Variants in CNTNAP2 observed in about 807,000 individuals in gnomAD.
The protein encoded by CNTNAP2 is contactin-associated protein-like 2.
CNTNAP2 carries 98 observed loss-of-function variants against 155.2 expected under a neutral mutation model. The observed-to-expected ratio is 0.63, with a 90% CI of 0.54 to 0.75. The LOEUF (loss-of-function observed/expected upper bound fraction) is 0.75. CNTNAP2 is among the 30% of genes least tolerant of loss of function. The probability of loss-of-function intolerance (pLI) is 0.00; values close to 1 mark genes in which losing one functional copy is unlikely to be tolerated. For synonymous variants in CNTNAP2, 651 were observed against 631.2 expected (o/e 1.03, Z -0.47); for missense variants, 1,727 against 1,688.1 (o/e 1.02, Z -0.40).
chr7:146,502,238 T>TATATATATATGA (rs1008479178), intron 1 of CNTNAP2, among the ~76,000 whole-genome samples: 4 of 118,112 alleles, frequency 3.4e-5, no homozygotes, highest in African/African-American at 1.5e-4. Flanking sequence ...TATATATATA[T>TATATATATATGA]ATATATATAT....
At chr7:148,398,766 A>G (rs1281325012) in intron 22 of CNTNAP2, among the ~76,000 whole-genome samples, 1 of 152,188 alleles carries the variant, frequency 6.6e-6, no homozygotes, top group East Asian at 1.9e-4. Flanking sequence ...TGCCCAGGGG[A>G]TGTGTTTCTC....
intron 11 of CNTNAP2, among the ~76,000 whole-genome samples, chr7:147,516,869 G>C (rs572301632): frequency 2.7e-5 from 3 of 112,008 alleles, no homozygotes; most frequent in African/African-American, 1.3e-4. Context: ...TTTTTTTTGC[G>C]TGTGTGTGTG....
intron 4 of CNTNAP2, among the ~76,000 whole-genome samples, chr7:147,094,838 A>T (rs1800493060): frequency 6.6e-6 from 1 of 152,118 alleles, no homozygotes; most frequent in Non-Finnish European, 1.5e-5. Flanking sequence ...CTATAACAGA[A>T]TAATATAAAC....
intron 13 of CNTNAP2, among the ~76,000 whole-genome samples, chr7:147,724,437 T>A (rs955595324): frequency 2.6e-5 from 4 of 152,056 alleles, no homozygotes; most frequent in Non-Finnish European, 5.9e-5. Flanking sequence ...AGCCTCACAG[T>A]TGCAGGGTCT....
At position 146,988,783 on chromosome 7, in the gene CNTNAP2, G is replaced by A. The variant is rs73463267; in HGVS notation, c.403-55124G>A. ...TCATGTAATAGATCTTAGGCTATTT[G>A]GATTTCCTCACAGGAAAATAGAAGC... On this transcript the variant is annotated intron_variant, in intron 3 of 23. Coordinates refer to ENST00000361727, the MANE Select transcript of CNTNAP2 (RefSeq NM_014141.6). Among the ~76,000 whole-genome samples the A allele has an allele frequency of 2.3e-3, 343 of 152,224 alleles. 1 individual carries two copies. Among genetic ancestry groups the A allele is most frequent in the African/African-American group, 7.9e-3 (328 of 41,538 alleles).
intron 4 of CNTNAP2, chr7:147,083,265 G>A (rs955574359): frequency 6.6e-6 from 1 of 152,050 alleles, no homozygotes; most frequent in Non-Finnish European, 1.5e-5. Flanking sequence ...AAGAGGAAAT[G>A]GATGTTAGGT....
intron 21 of CNTNAP2, among the ~76,000 whole-genome samples, chr7:148,269,575 A>G (rs1278378278): frequency 6.6e-6 from 1 of 152,244 alleles, no homozygotes; most frequent in Non-Finnish European, 1.5e-5. Flanking sequence ...AAGAAGGTCA[A>G]TTTGACAAAA....
At chr7:146,748,001 G>A (rs528364055) in intron 1 of CNTNAP2, among the ~76,000 whole-genome samples, 20 of 150,526 alleles carry the variant, frequency 1.3e-4, no homozygotes, top group Admixed American at 2.6e-4. Flanking sequence ...CTAGTTTTCC[G>A]TCTTTTCTCC....
At chr7:147,297,550 A>C (rs535407896) in intron 8 of CNTNAP2, among the ~76,000 whole-genome samples, 1 of 152,336 alleles carries the variant, frequency 6.6e-6, no homozygotes, top group African/African-American at 2.4e-5. Flanking sequence ...TGACATTTGC[A>C]CAGAGATCTG....
intron 21 of CNTNAP2, among the ~76,000 whole-genome samples, chr7:148,274,292 G>A (rs139007723): frequency 1.3e-5 from 2 of 152,098 alleles, no homozygotes; most frequent in South Asian, 4.2e-4. Context: ...CTATAGGGCT[G>A]TTTGTTACTG....
At chr7:147,700,109 A>T (rs140677788) in intron 13 of CNTNAP2, among the ~76,000 whole-genome samples, 1 of 152,160 alleles carries the variant, frequency 6.6e-6, no homozygotes, top group African/African-American at 2.4e-5. Context: ...AATGACCAGA[A>T]TCATACCTAG....
chr7:146,788,481 C>G (rs902139890), intron 2 of CNTNAP2, among the ~76,000 whole-genome samples: 1 of 152,170 alleles, frequency 6.6e-6, no homozygotes, highest in Non-Finnish European at 1.5e-5. Context: ...CAACAAGAGG[C>G]TAATAAAGCA....
At chr7:147,736,611 G>A (rs1301812522) in intron 13 of CNTNAP2, among the ~76,000 whole-genome samples, 1 of 152,206 alleles carries the variant, frequency 6.6e-6, no homozygotes, top group Admixed American at 6.5e-5. Flanking sequence ...ATATTCTGCA[G>A]AGTGTTTTCC....
chr7:148,110,097 G>A (rs1804314509), intron 15 of CNTNAP2, among the ~76,000 whole-genome samples: 1 of 151,882 alleles, frequency 6.6e-6, no homozygotes, highest in South Asian at 2.1e-4. Context: ...AAAGGCCTAG[G>A]CAAACTCTCG....
intron 16 of CNTNAP2, among the ~76,000 whole-genome samples, chr7:148,135,267 G>A (rs1804912388): frequency 6.6e-6 from 1 of 152,014 alleles, no homozygotes; most frequent in South Asian, 2.1e-4. Context: ...CTCCTACATG[G>A]GGCATGATTA....
At chr7:147,389,577 C>G (rs1366641910) in intron 9 of CNTNAP2, among the ~76,000 whole-genome samples, 1 of 152,164 alleles carries the variant, frequency 6.6e-6, no homozygotes, top group African/African-American at 2.4e-5. Flanking sequence ...TAGCAATATA[C>G]TGAGTGGACT....
intron 1 of CNTNAP2, among the ~76,000 whole-genome samples, chr7:146,247,363 G>A (rs544104513): frequency 6.6e-6 from 1 of 152,304 alleles, no homozygotes; most frequent in Admixed American, 6.5e-5. Flanking sequence ...GGTGTGAGGA[G>A]GGGAGGTGAT....
chr7:147,132,318 T>G lies in CNTNAP2; in HGVS notation c.1157T>G (p.Val386Gly). 6.2e-7 allele frequency: 1 copy of G among 1,613,698 alleles called. No homozygotes were observed. The highest frequency in any genetic ancestry group is 8.5e-7 in the Non-Finnish European group (1 of 1,179,782). ...TTCAACGCTACAAGTTACCTGGAGG[T>G]GCCCGGACGGCTTAACCAGGACCTG... ...VFFNATSYLE[V>G]PGRLNQDLFS... is the part of the protein sequence containing the mutation. Residue 386 changes from valine (V) to glycine (G), a missense_variant, in exon 8 of 24, where the codon GTG (valine) becomes GGG (glycine). Val to Gly is a moderately radical substitution (Grantham distance 109). Coordinates refer to ENST00000361727, the MANE Select transcript of CNTNAP2 (RefSeq NM_014141.6).
At chr7:147,960,283 A>C (rs1373538502) in intron 14 of CNTNAP2, among the ~76,000 whole-genome samples, 1 of 152,184 alleles carries the variant, frequency 6.6e-6, no homozygotes, top group Non-Finnish European at 1.5e-5. Flanking sequence ...CGGAGTCAGC[A>C]TCTGTAACTG....
Sources: gnomAD v4.1 joint callset for allele counts (sites outside exome capture counted in the v4.1 genomes callset) on GRCh38, gnomAD v4.1.1 for gene constraint, MANE v1.5 for transcripts, NCBI Gene and HGNC (gene_info 2026-07-23, HGNC 2026-07-21) for gene names.